The following BLOC1S3 variants were observed in gnomAD, a reference collection of about 807,000 sequenced individuals.
BLOC1S3 encodes biogenesis of lysosomal organelles complex 1 subunit 3, also known as biogenesis of lysosome-related organelles complex 1 subunit 3.
A neutral mutation model predicts 9.1 loss-of-function variants in BLOC1S3; 7 were observed. The ratio of observed to expected loss-of-function variants is 0.77; its 90% confidence interval spans 0.44 to 1.45. The LOEUF (loss-of-function observed/expected upper bound fraction) is 1.45. Among genes scored for constraint, BLOC1S3 ranks in the 40% most tolerant of loss-of-function variants. BLOC1S3 has a pLI of 0.01. For missense variants in BLOC1S3, 307 were observed against 315.2 expected, an observed-to-expected ratio of 0.97 and a Z score of 0.20; for synonymous variants, 145 against 158.4, an observed-to-expected ratio of 0.92 and a Z score of 0.64.
At chr19:45,215,968 A>T (rs1969829154) in intron 3 of BLOC1S3, 1 of 1,500,952 alleles carries the variant, frequency 6.7e-7, no homozygotes, top group East Asian at 2.3e-5. Flanking sequence ...AGACACGCTC[A>T]CCGGCTCCCT....
At chr19:45,182,370 GT>G (rs1969531516), downstream of BLOC1S3, among the ~76,000 whole-genome samples, 1 of 150,838 alleles carries the variant, frequency 6.6e-6, no homozygotes, top group South Asian at 2.1e-4. Flanking sequence ...GCAGGACTCT[GT>G]CTCAAAAATA....
chr19:45,206,378 T>C (rs1371247380), intron 3 of BLOC1S3, among the ~76,000 whole-genome samples: 1 of 147,292 alleles, frequency 6.8e-6, no homozygotes, highest in Non-Finnish European at 1.5e-5. Flanking sequence ...AAAAAAAATC[T>C]ATTATTTTCA....
chr19:45,216,604 A>T (rs1172365260), intron 3 of BLOC1S3: 1 of 153,620 alleles, frequency 6.5e-6, no homozygotes, highest in Non-Finnish European at 1.5e-5. Flanking sequence ...AAATAAAAAT[A>T]AAAAATAAAA....
At chr19:45,184,972 G>A (rs910586932), downstream of BLOC1S3, among the ~76,000 whole-genome samples, 16 of 148,170 alleles carry the variant, frequency 1.1e-4, no homozygotes, top group Non-Finnish European at 2.2e-4. Flanking sequence ...GACTGGGGAA[G>A]TACCTAGATG....
intron 3 of BLOC1S3, among the ~76,000 whole-genome samples, chr19:45,215,243 G>C (rs1033156513): frequency 4.6e-5 from 7 of 152,176 alleles, no homozygotes; most frequent in Non-Finnish European, 8.8e-5. Context: ...AGCCGAGGCA[G>C]GCAGATCACT....
At chr19:45,195,899 T>G (rs536433825) in intron 2 of BLOC1S3, among the ~76,000 whole-genome samples, 1 of 152,178 alleles carries the variant, frequency 6.6e-6, no homozygotes, top group African/African-American at 2.4e-5. Context: ...CCAGCCTGCC[T>G]TTTTCAAGTA....
intron 2 of BLOC1S3, chr19:45,198,849 G>T (rs1303522593): frequency 1.3e-5 from 2 of 151,740 alleles, no homozygotes; most frequent in African/African-American, 4.8e-5. Context: ...GAGCCACTGC[G>T]CCTGGCCTCA....
chr19:45,213,529 T>C (rs1188945461), intron 3 of BLOC1S3, among the ~76,000 whole-genome samples: 2 of 151,932 alleles, frequency 1.3e-5, no homozygotes, highest in Non-Finnish European at 2.9e-5. Flanking sequence ...GCCCAGGCCC[T>C]CACCTCATAC....
Position 45,189,269 on chromosome 19 carries a change from C to T in BLOC1S3, n.180+1529C>T, listed in dbSNP as rs757994694. 1.1e-4 allele frequency among the ~76,000 whole-genome samples: 16 copies of T among 152,300 alleles called. 1 individual carries two copies. The highest frequency in any genetic ancestry group is 3.4e-3 in the Middle Eastern group (1 of 294). On this transcript the variant is annotated intron_variant and non_coding_transcript_variant, in intron 2 of 3. Transcript: ENST00000591569. ...TCCTGACCTCAAGTGATCCACACACCTTGGCCTCCCAAAGTGCTGGGATTA... is the reference window on the plus strand; with the variant it reads ...TCCTGACCTCAAGTGATCCACACACTTTGGCCTCCCAAAGTGCTGGGATTA...
At chr19:45,209,759 C>T (rs1969754532) in intron 3 of BLOC1S3, among the ~76,000 whole-genome samples, 1 of 150,546 alleles carries the variant, frequency 6.6e-6, no homozygotes, top group Non-Finnish European at 1.5e-5. Flanking sequence ...GCCCTTGTTG[C>T]CCAGGCTGGA....
intron 3 of BLOC1S3, among the ~76,000 whole-genome samples, chr19:45,210,862 C>CAGGCAGTG (rs1458772655): frequency 2.6e-5 from 4 of 152,170 alleles, no homozygotes; most frequent in Non-Finnish European, 5.9e-5. Context: ...CAGTGGCTCA[C>CAGGCAGTG]GCCTGTAATC....
intron 3 of BLOC1S3, among the ~76,000 whole-genome samples, chr19:45,206,650 G>T (rs1307476688): frequency 4.7e-5 from 7 of 148,200 alleles, no homozygotes; most frequent in Admixed American, 1.4e-4. Context: ...TAATAGAGAT[G>T]GTGTCTCATG....
At chr19:45,196,794 G>A (rs1023731905) in intron 2 of BLOC1S3, among the ~76,000 whole-genome samples, 6 of 151,938 alleles carry the variant, frequency 3.9e-5, no homozygotes, top group African/African-American at 9.7e-5. Context: ...CCAGCTACGT[G>A]GGAGGCTGAG....
downstream of BLOC1S3, among the ~76,000 whole-genome samples, chr19:45,184,741 A>G (rs1033314428): frequency 6.6e-6 from 1 of 151,900 alleles, no homozygotes; most frequent in African/African-American, 2.4e-5. Context: ...TGTACTAAAA[A>G]TACAAAAAAT....
At chr19:45,213,485 CCCCTCCAGAGCCTT>C in intron 3 of BLOC1S3, 1 of 1,102,838 alleles carries the variant, frequency 9.1e-7, no homozygotes, top group Non-Finnish European at 1.3e-6. Flanking sequence ...GCCTCTGTGT[CCCCTCCAGAGCCTT>C]CCCTCCAATC....
intron 3 of BLOC1S3, among the ~76,000 whole-genome samples, chr19:45,205,724 A>G (rs1279603382): frequency 1.3e-5 from 2 of 152,206 alleles, no homozygotes; most frequent in African/African-American, 4.8e-5. Context: ...GTGGGAGAAA[A>G]TATTTGCAAA....
intron 2 of BLOC1S3, among the ~76,000 whole-genome samples, chr19:45,199,615 T>C (rs1969674565): frequency 6.6e-6 from 1 of 150,602 alleles, no homozygotes; most frequent in South Asian, 2.1e-4. Flanking sequence ...CGCCTGGCCT[T>C]TATTCTTTTT....
At chr19:45,196,029 C>G (rs776028757) in intron 2 of BLOC1S3, among the ~76,000 whole-genome samples, 12 of 152,114 alleles carry the variant, frequency 7.9e-5, no homozygotes, top group Non-Finnish European at 1.8e-4. Context: ...TCAGGGTGTT[C>G]CCTATTGTTT....
chr19:45,186,440 C>T (rs1048380907), downstream of BLOC1S3, among the ~76,000 whole-genome samples: 5 of 152,074 alleles, frequency 3.3e-5, no homozygotes, highest in African/African-American at 1.2e-4. Context: ...GCCACCATGC[C>T]CAGCCTGTAA....
Sources: allele counts gnomAD v4.1 joint callset (sites outside exome capture counted in the v4.1 genomes callset), GRCh38; gene constraint gnomAD v4.1.1; transcripts MANE v1.5; gene names NCBI Gene and HGNC (gene_info 2026-07-23, HGNC 2026-07-21).